The following RNF216 variants were observed in gnomAD, a reference collection of about 807,000 sequenced individuals.
The protein encoded by RNF216 is ring finger protein 216.
In RNF216, 72 loss-of-function variants were observed where a neutral mutation model predicts 110.8. The ratio of observed to expected loss-of-function variants is 0.65; its 90% CI spans 0.54 to 0.79. The LOEUF is 0.79. Ranked by LOEUF, RNF216 falls within the 30% of genes least tolerant of loss-of-function variation. The pLI is 0.00. For synonymous variants in RNF216, 495 were observed against 407.5 expected, an observed-to-expected ratio of 1.21 and a Z score of -2.59; for missense variants, 1,342 against 1,141.2, an observed-to-expected ratio of 1.18 and a Z score of -2.54.
Position 5,772,141 on chromosome 7 carries a change from G to A in RNF216, c.-70+9400C>T, listed in dbSNP as rs957775061. Among the ~76,000 whole-genome samples, 8 of 152,226 alleles carry A rather than the reference G, an allele frequency of 5.3e-5. No homozygotes were observed. In the East Asian group the frequency reaches 1.6e-3, roughly 30 times the overall value. ...CCAGCTACTCAGGACGCTGAGGCAGGAGAATCGTTTGAACCCGGGAGGTGG... is the reference window on the plus strand; with the variant it reads ...CCAGCTACTCAGGACGCTGAGGCAGAAGAATCGTTTGAACCCGGGAGGTGG... On this transcript the variant is annotated intron_variant, in intron 1 of 16. Transcript: ENST00000389902.
At chr7:5,716,227 A>C (rs897443663) in intron 10 of RNF216, among the ~76,000 whole-genome samples, 1 of 152,062 alleles carries the variant, frequency 6.6e-6, no homozygotes, top group African/African-American at 2.4e-5. Context: ...AGAAAGGGTC[A>C]GTAGCCAGGT....
chr7:5,642,278 T>C (rs1402878698), intron 14 of RNF216, among the ~76,000 whole-genome samples: 1 of 151,362 alleles, frequency 6.6e-6, no homozygotes, highest in African/African-American at 2.4e-5. Flanking sequence ...AGTGGCTCCA[T>C]CTCAGCTCAC....
At chr7:5,635,902 CCT>C (rs1787369473) in intron 15 of RNF216, among the ~76,000 whole-genome samples, 1 of 152,174 alleles carries the variant, frequency 6.6e-6, no homozygotes, top group African/African-American at 2.4e-5. Flanking sequence ...CTGTAAAAGC[CCT>C]AGGGTTTTAT....
intron 14 of RNF216, among the ~76,000 whole-genome samples, chr7:5,651,797 C>T (rs192761416): frequency 3.9e-5 from 6 of 152,154 alleles, no homozygotes; most frequent in Admixed American, 1.3e-4. Context: ...TACAGGCAAG[C>T]GCCACCATAC....
At chr7:5,666,221 T>C (rs746603898) in intron 13 of RNF216, among the ~76,000 whole-genome samples, 1 of 150,112 alleles carries the variant, frequency 6.7e-6, no homozygotes, top group African/African-American at 2.4e-5. Context: ...CTAAGGACTA[T>C]GGGTCCTGCT....
At chr7:5,646,656 G>C (rs1283931550) in intron 14 of RNF216, among the ~76,000 whole-genome samples, 1 of 150,958 alleles carries the variant, frequency 6.6e-6, no homozygotes, top group African/African-American at 2.4e-5. Flanking sequence ...TTGCACCACT[G>C]CACTCCAGCC....
chr7:5,771,235 C>G (rs1032429542), intron 1 of RNF216, among the ~76,000 whole-genome samples: 3 of 152,148 alleles, frequency 2.0e-5, no homozygotes, highest in African/African-American at 7.2e-5. Flanking sequence ...GTAACAACCC[C>G]TTCCTCATGC....
chr7:5,627,376 C>T (rs1003365944), intron 15 of RNF216, among the ~76,000 whole-genome samples: 1 of 152,156 alleles, frequency 6.6e-6, no homozygotes, highest in African/African-American at 2.4e-5. Flanking sequence ...CTTGTGAGGG[C>T]CTCACGTCTC....
intron 1 of RNF216, among the ~76,000 whole-genome samples, chr7:5,774,530 CTAAG>C (rs1221098320): frequency 1.3e-5 from 2 of 152,168 alleles, no homozygotes; most frequent in Non-Finnish European, 2.9e-5. Context: ...CTGATATATA[CTAAG>C]TGTGACATTG....
At chr7:5,716,338 C>G (rs530685624) in intron 10 of RNF216, among the ~76,000 whole-genome samples, 10 of 151,882 alleles carry the variant, frequency 6.6e-5, no homozygotes, top group Admixed American at 2.0e-4. Context: ...GGTGAAACCC[C>G]GTCTCTACTA....
intron 13 of RNF216, 132 bp from the exon 14 acceptor site, chr7:5,652,642 G>T (rs972115890): frequency 1.5e-6 from 1 of 652,300 alleles, no homozygotes; most frequent in Non-Finnish European, 2.8e-6. Flanking sequence ...TCCTTTTCAG[G>T]GGGGATATTT....
At chr7:5,635,290 CTTTTTTTTTT>C (rs755049416) in intron 15 of RNF216, among the ~76,000 whole-genome samples, 1 of 135,868 alleles carries the variant, frequency 7.4e-6, no homozygotes, top group Non-Finnish European at 1.6e-5. Flanking sequence ...ACTAACTTCA[CTTTTTTTTTT>C]TTTTTTTTAA....
Position 5,721,131 on chromosome 7 carries a change from T to G in RNF216, c.1546A>C (p.Lys516Gln). 6.2e-7 allele frequency: 1 copy of G among 1,614,070 alleles called. No individual in the cohort carries two copies. Among genetic ancestry groups the G allele is most frequent in the Non-Finnish European group, 8.5e-7 (1 of 1,179,914 alleles). Reference sequence around the variant, plus strand: ...TCATAGGACCTACAATGTCGTCGCTTATTTTCAAGAAAGAACATCCTCTTT... The same window carrying G: ...TCATAGGACCTACAATGTCGTCGCTGATTTTCAAGAAAGAACATCCTCTTT... Reference protein sequence around the residue: ...IEKRMFFLENKRRHCRSYDRR... With the variant: ...IEKRMFFLENQRRHCRSYDRR... The change falls in exon 9 of 17, where the codon AAG becomes CAG. Residue 516 changes from lysine (K) to glutamine (Q), a missense_variant. Physicochemically the swap from Lys to Gln is moderately conservative, Grantham distance 53 (BLOSUM62 1). Transcript: ENST00000389902.
At chr7:5,705,318 T>C (rs1207773670) in intron 13 of RNF216, among the ~76,000 whole-genome samples, 1 of 152,210 alleles carries the variant, frequency 6.6e-6, no homozygotes, top group Admixed American at 6.5e-5. Context: ...ATTTCCAGTT[T>C]TGTAAACAGC....
At chr7:5,662,784 G>A (rs1184871508) in intron 13 of RNF216, among the ~76,000 whole-genome samples, 1 of 152,160 alleles carries the variant, frequency 6.6e-6, no homozygotes. Context: ...AGCCAGGTAG[G>A]GGGCAGGCAG....
At chr7:5,639,089 T>C (rs994664237) in intron 15 of RNF216, among the ~76,000 whole-genome samples, 1 of 152,238 alleles carries the variant, frequency 6.6e-6, no homozygotes, top group African/African-American at 2.4e-5. Context: ...TCACTTGCAG[T>C]TGAGGAAGAA....
Position 5,722,031 on chromosome 7 carries a change from C to A in RNF216, c.1505-859G>T, listed in dbSNP as rs1793459490. Reference sequence around the variant, plus strand: ...TCAACTCCTGGGCTCAGGCAATCCTCCCGCCTCAGCCTCCTGAGGAGCTGG... The same window carrying A: ...TCAACTCCTGGGCTCAGGCAATCCTACCGCCTCAGCCTCCTGAGGAGCTGG... On this transcript the variant is annotated intron_variant, in intron 8 of 16. Transcript: ENST00000389902. 3.3e-5 allele frequency among the ~76,000 whole-genome samples: 5 copies of A among 152,344 alleles called. 1 individual carries two copies. In the South Asian group the frequency reaches 1.0e-3, roughly 32 times the overall value.
intron 15 of RNF216, among the ~76,000 whole-genome samples, chr7:5,638,594 G>A (rs1440121257): frequency 1.3e-5 from 2 of 151,144 alleles, no homozygotes; most frequent in Non-Finnish European, 2.9e-5. Context: ...GTGGCTGTTA[G>A]CCAACTCCAA....
intron 15 of RNF216, among the ~76,000 whole-genome samples, chr7:5,628,967 T>A (rs1250787728): frequency 1.3e-5 from 2 of 151,246 alleles, no homozygotes; most frequent in Non-Finnish European, 3.0e-5. Context: ...GAGTTCGAGG[T>A]GGGTGGATGA....
Sources: gnomAD v4.1 joint callset for allele counts (sites outside exome capture counted in the v4.1 genomes callset) on GRCh38, gnomAD v4.1.1 for gene constraint, MANE v1.5 for transcripts, NCBI Gene and HGNC (gene_info 2026-07-23, HGNC 2026-07-21) for gene names.